Variants in SEMA3C observed in about 807,000 individuals in gnomAD.
SEMA3C encodes the protein semaphorin 3C, also known as semaphorin-3C.
A neutral mutation model predicts 89.4 loss-of-function variants in SEMA3C; 47 were observed. That is an observed-to-expected ratio of 0.53 (90% CI 0.42 to 0.67). SEMA3C has a LOEUF of 0.67. Ranked by LOEUF, SEMA3C falls within the 30% of genes least tolerant of loss-of-function variation. SEMA3C has a pLI of 0.00. For missense variants in SEMA3C, 839 were observed against 929.1 expected (o/e 0.90, Z 1.26); for synonymous variants, 310 against 320.2 (o/e 0.97, Z 0.34).
At chr7:80,908,867 A>T (rs1435719844) in intron 2 of SEMA3C, among the ~76,000 whole-genome samples, 2 of 152,196 alleles carry the variant, frequency 1.3e-5, no homozygotes, top group African/African-American at 4.8e-5. Context: ...TCACCAAACT[A>T]ATGATCCAAT....
At chr7:80,771,484 ACTAT>A (rs1788432566) in intron 12 of SEMA3C, among the ~76,000 whole-genome samples, 1 of 152,166 alleles carries the variant, frequency 6.6e-6, no homozygotes. Context: ...CTTATTTTAT[ACTAT>A]CTAATTTTTT....
chr7:80,895,719 T>C (rs1583988031), intron 2 of SEMA3C, among the ~76,000 whole-genome samples: 1 of 152,312 alleles, frequency 6.6e-6, no homozygotes, highest in East Asian at 1.9e-4. Context: ...ATGAGCTTTA[T>C]AATGAGGAGA....
chr7:80,754,957 G>GTTTTTTTTTTGTTTTTTTTTGT (rs1449995090), intron 15 of SEMA3C, among the ~76,000 whole-genome samples: 2,555 of 107,568 alleles, frequency 0.024, 99 homozygotes, highest in South Asian at 0.071. Context: ...GTTTTTTTTT[G>GTTTTTTTTTTGTTTTTTTTTGT]TTTTTTTTTT....
chr7:80,767,762 C>T (rs1289003422), intron 12 of SEMA3C, among the ~76,000 whole-genome samples: 1 of 151,834 alleles, frequency 6.6e-6, no homozygotes, highest in East Asian at 1.9e-4. Context: ...CAGGACTTTA[C>T]AACCAGAAAT....
chr7:80,839,559 G>A lies in SEMA3C; in HGVS notation c.104-10814C>T, dbSNP rs189917061. 5.9e-5 allele frequency among the ~76,000 whole-genome samples: 9 copies of A among 152,076 alleles called. No homozygotes were observed. The East Asian group carries it at 1.2e-3, about 20-fold the overall frequency. ...TTTTGTGTAAAAATGTTAAGATACGGAAAACATTTTCTCATGTGCTAAAGT... is the reference window on the plus strand; with the variant it reads ...TTTTGTGTAAAAATGTTAAGATACGAAAAACATTTTCTCATGTGCTAAAGT... On this transcript the variant is annotated intron_variant, in intron 2 of 17. Transcript: ENST00000265361.
At chr7:80,921,869 C>T (rs1374743976), upstream of SEMA3C, among the ~76,000 whole-genome samples, 8 of 152,152 alleles carry the variant, frequency 5.3e-5, no homozygotes, top group Middle Eastern at 3.4e-3. Flanking sequence ...ACTCTAGCAC[C>T]GATGTTGAGT....
At chr7:80,746,065 C>T (rs1211751301) in intron 17 of SEMA3C, among the ~76,000 whole-genome samples, 1 of 152,098 alleles carries the variant, frequency 6.6e-6, no homozygotes, top group Non-Finnish European at 1.5e-5. Context: ...ACCTGTAGTA[C>T]TGCCAATGAA....
intron 2 of SEMA3C, among the ~76,000 whole-genome samples, chr7:80,835,115 T>A (rs1469347928): frequency 6.6e-6 from 1 of 152,132 alleles, no homozygotes; most frequent in Non-Finnish European, 1.5e-5. Context: ...GGTAAAAGAC[T>A]CCTTGATTGA....
At chr7:80,754,957 G>GTTTTTTTTTTGTTTTTTTTTTGTT (rs1449995090) in intron 15 of SEMA3C, among the ~76,000 whole-genome samples, 1 of 108,368 alleles carries the variant, frequency 9.2e-6, no homozygotes, top group Non-Finnish European at 1.9e-5. Flanking sequence ...GTTTTTTTTT[G>GTTTTTTTTTTGTTTTTTTTTTGTT]TTTTTTTTTT....
At position 80,744,114 on chromosome 7, in the gene SEMA3C, T is replaced by C. The variant is rs1787743340; in HGVS notation, c.*780A>G. ...ACAGTAATAACTGAGTAGTGCCAGATTATATTCTTTGAGTCTAAAATAAAT... is the reference window on the plus strand; with the variant it reads ...ACAGTAATAACTGAGTAGTGCCAGACTATATTCTTTGAGTCTAAAATAAAT... On this transcript the variant is annotated 3_prime_UTR_variant, in exon 18 of 18. Coordinates refer to ENST00000265361, the MANE Select transcript of SEMA3C (RefSeq NM_006379.5). 1 of 99,114 alleles carries C rather than the reference T, an allele frequency of 1.0e-5. No individual in the cohort carries two copies. Among genetic ancestry groups the C allele is most frequent in the Non-Finnish European group, 2.1e-5 (1 of 47,308 alleles). 6.1% of individuals were successfully genotyped at this position (99,114 alleles called of 1,614,324 possible).
chr7:80,864,824 A>G (rs1790887387), intron 2 of SEMA3C, among the ~76,000 whole-genome samples: 1 of 152,160 alleles, frequency 6.6e-6, no homozygotes, highest in Non-Finnish European at 1.5e-5. Flanking sequence ...AACTTTGCAT[A>G]TGTTGACCAG....
intron 2 of SEMA3C, among the ~76,000 whole-genome samples, chr7:80,833,479 G>T (rs183244135): frequency 1.5e-3 from 232 of 151,790 alleles, no homozygotes; most frequent in Non-Finnish European, 2.1e-3. Flanking sequence ...AAGAAAGAAA[G>T]AAAAGAAAAG....
At chr7:80,863,825 G>GAT (rs1414021930) in intron 2 of SEMA3C, among the ~76,000 whole-genome samples, 1 of 103,498 alleles carries the variant, frequency 9.7e-6, no homozygotes, top group Admixed American at 9.4e-5. Flanking sequence ...ATATATATGT[G>GAT]ATATGTGATA....
chr7:80,878,681 C>T (rs1791258889), intron 2 of SEMA3C, among the ~76,000 whole-genome samples: 1 of 151,820 alleles, frequency 6.6e-6, no homozygotes, highest in Non-Finnish European at 1.5e-5. Flanking sequence ...GTCCAGTACA[C>T]CTAATACAAT....
chr7:80,846,136 A>G (rs1477134886), intron 2 of SEMA3C, among the ~76,000 whole-genome samples: 1 of 152,086 alleles, frequency 6.6e-6, no homozygotes, highest in African/African-American at 2.4e-5. Flanking sequence ...TGTCTCATCT[A>G]AAGGGAAAAT....
intron 2 of SEMA3C, among the ~76,000 whole-genome samples, chr7:80,852,181 C>A (rs1311616194): frequency 6.6e-6 from 1 of 152,134 alleles, no homozygotes; most frequent in Non-Finnish European, 1.5e-5. Context: ...TATTATATCC[C>A]CTCAGTAGGT....
chr7:80,828,204 A>C (rs1020758003), intron 3 of SEMA3C, among the ~76,000 whole-genome samples: 3 of 152,178 alleles, frequency 2.0e-5, no homozygotes, highest in African/African-American at 7.2e-5. Context: ...ATACTGGATC[A>C]AGTAACAGCG....
intron 5 of SEMA3C, 51 bp from the exon 6 acceptor site, chr7:80,810,752 A>G (rs1789449875): frequency 1.5e-6 from 2 of 1,366,106 alleles, no homozygotes; most frequent in East Asian, 4.6e-5. Context: ...TATTTAGTGA[A>G]GACAATTGTT....
intron 16 of SEMA3C, among the ~76,000 whole-genome samples, chr7:80,749,692 G>T (rs1323142762): frequency 6.6e-6 from 1 of 152,094 alleles, no homozygotes; most frequent in Non-Finnish European, 1.5e-5. Context: ...TTTTACATAG[G>T]TTTCTCAACG....
Sources: gnomAD v4.1 joint callset for allele counts (sites outside exome capture counted in the v4.1 genomes callset) on GRCh38, gnomAD v4.1.1 for gene constraint, MANE v1.5 for transcripts, NCBI Gene and HGNC (gene_info 2026-07-23, HGNC 2026-07-21) for gene names.